Variants in AQP9 observed in about 807,000 individuals in gnomAD.
AQP9 encodes the protein aquaporin 9.
Under a neutral mutation model 23.8 loss-of-function variants are expected in AQP9, and 19 were observed. The observed-to-expected ratio is 0.80, with a 90% CI of 0.56 to 1.17. AQP9 has a LOEUF of 1.17. AQP9 is among the 50% of genes most tolerant of loss of function. The pLI is 0.00. For synonymous variants in AQP9, 153 were observed against 131.5 expected, an observed-to-expected ratio of 1.16 and a Z score of -1.12; for missense variants, 413 against 362.0, an observed-to-expected ratio of 1.14 and a Z score of -1.14.
At chr15:58,177,891 T>C (rs559070523) in intron 4 of AQP9, among the ~76,000 whole-genome samples, 44 of 152,342 alleles carry the variant, frequency 2.9e-4, no homozygotes, top group African/African-American at 1.0e-3. Flanking sequence ...AATTTTTCTT[T>C]TACGTATGTT....
At chr15:58,179,670 C>A (rs1198397400) in intron 5 of AQP9, among the ~76,000 whole-genome samples, 2 of 152,110 alleles carry the variant, frequency 1.3e-5, no homozygotes, top group Non-Finnish European at 2.9e-5. Flanking sequence ...AACTTGTCTG[C>A]AGATTCATTT....
intron 1 of AQP9, chr15:58,154,884 C>T (rs1898218398): frequency 6.6e-6 from 1 of 152,332 alleles, no homozygotes; most frequent in South Asian, 2.1e-4. Flanking sequence ...AATCATAAGC[C>T]ATTATTCCTA....
At chr15:58,166,853 C>G (rs569740813) in intron 2 of AQP9, 54 bp downstream of exon 2, 2 of 1,597,356 alleles carry the variant, frequency 1.3e-6, no homozygotes, top group African/African-American at 2.7e-5. Context: ...CCAATGTGCC[C>G]GCACAGTGCT....
intron 2 of AQP9, among the ~76,000 whole-genome samples, chr15:58,172,342 C>G (rs1394437177): frequency 6.6e-6 from 1 of 152,184 alleles, no homozygotes; most frequent in Non-Finnish European, 1.5e-5. Flanking sequence ...TTGTTACTAG[C>G]AAAGCCAGCT....
At chr15:58,166,028 T>C (rs1898495466) in intron 1 of AQP9, among the ~76,000 whole-genome samples, 1 of 152,240 alleles carries the variant, frequency 6.6e-6, no homozygotes, top group African/African-American at 2.4e-5. Flanking sequence ...TTTTTTCTAA[T>C]GCATGGTACA....
intron 1 of AQP9, among the ~76,000 whole-genome samples, chr15:58,143,832 C>A (rs60401526): frequency 0.067 from 10,141 of 152,180 alleles, 504 homozygotes; most frequent in Admixed American, 0.16. Context: ...CACATGTTCA[C>A]GAGTTTCTCT....
intron 5 of AQP9, among the ~76,000 whole-genome samples, chr15:58,182,877 G>C (rs1898924055): frequency 6.6e-6 from 1 of 152,160 alleles, no homozygotes; most frequent in Admixed American, 6.5e-5. Context: ...GGGAATGGGG[G>C]TTTGATTTGC....
chr15:58,158,505 A>T (rs868392583), intron 1 of AQP9, among the ~76,000 whole-genome samples: 4 of 152,216 alleles, frequency 2.6e-5, no homozygotes. Context: ...ATAAGGGAAT[A>T]CAAGTAAAGC....
chr15:58,183,872 G>C, intron 5 of AQP9, 89 bp from the exon 6 acceptor site: 1 of 1,436,144 alleles, frequency 7.0e-7, no homozygotes, highest in East Asian at 2.3e-5. Context: ...CCATGAGTGT[G>C]AGAAAGACTA....
At chr15:58,173,703 T>C (rs1398360983) in intron 3 of AQP9, among the ~76,000 whole-genome samples, 2 of 152,100 alleles carry the variant, frequency 1.3e-5, no homozygotes, top group Non-Finnish European at 2.9e-5. Context: ...AAAAACACAG[T>C]ATTGGTCATA....
intron 1 of AQP9, chr15:58,152,527 A>T (rs1898170823): frequency 6.6e-6 from 1 of 152,158 alleles, no homozygotes; most frequent in Non-Finnish European, 1.5e-5. Context: ...TAGTATAACC[A>T]AAACATTAGA....
intron 5 of AQP9, among the ~76,000 whole-genome samples, chr15:58,182,648 G>A (rs1156510775): frequency 9.2e-5 from 14 of 152,144 alleles, no homozygotes; most frequent in Admixed American, 9.2e-4. Context: ...GCCTCCCCTA[G>A]AAAAATCCAT....
intron 1 of AQP9, among the ~76,000 whole-genome samples, chr15:58,154,753 T>C (rs1898215877): frequency 6.6e-6 from 1 of 151,940 alleles, no homozygotes; most frequent in Non-Finnish European, 1.5e-5. Context: ...CCCACCAAAA[T>C]TCAACAGAAT....
intron 1 of AQP9, among the ~76,000 whole-genome samples, chr15:58,141,328 TC>T (rs1261957585): frequency 6.6e-6 from 1 of 152,192 alleles, no homozygotes; most frequent in Admixed American, 6.5e-5. Flanking sequence ...CAGCTGTATT[TC>T]CTCCTGAGGT....
rs562183896 is a variant in AQP9 at position 58,175,021 on chromosome 15, C to T, written c.480C>T (p.Asn160=). ...TYPAPYLSLA[N]AFADQVVATM... ...CAGCTCCGTATCTATCTCTGGCGAA[C>T]GCATTTGCAGATCAAGTAAGTGTAG... Residue 160 remains asparagine, a synonymous_variant, in exon 4 of 6, where the codon AAC becomes AAT. Coordinates refer to ENST00000219919, the MANE Select transcript of AQP9 (RefSeq NM_020980.5). 1.8e-5 allele frequency: 29 copies of T among 1,613,306 alleles called. No individual in the cohort carries two copies. The highest frequency in any genetic ancestry group is 3.3e-5 in the Admixed American group (2 of 60,028).
At chr15:58,165,239 A>G (rs557362538) in intron 1 of AQP9, among the ~76,000 whole-genome samples, 1 of 152,126 alleles carries the variant, frequency 6.6e-6, no homozygotes, top group Non-Finnish European at 1.5e-5. Flanking sequence ...TTGCTGTCTC[A>G]TTTTCCTACC....
rs1898657117 is a variant in AQP9 at position 58,173,054 on chromosome 15, A to G, written c.239-14A>G. ...CCTAACCTGCCCTCTCACTTCTCCA[A>G]TCTTCCCTTGCAGGTGGTCACATCA... On this transcript the variant is annotated splice_polypyrimidine_tract_variant and intron_variant, in intron 2 of 5. Transcript: ENST00000219919. 3.7e-6 allele frequency: 6 copies of G among 1,613,730 alleles called. No individual in the cohort carries two copies. Among genetic ancestry groups the G allele is most frequent in the Non-Finnish European group, 4.2e-6 (5 of 1,179,730 alleles).
In AQP9 at chr15:58,138,478, CA is replaced by C; in HGVS notation, c.-84del. ...TCTCCAGGAATCTGTGAGCCATTGT[CA>C]AAACGTCCATTTTCATCTGGCTGTG... On this transcript the variant is annotated 5_prime_UTR_variant, in exon 1 of 6. Coordinates refer to ENST00000219919, the MANE Select transcript of AQP9 (RefSeq NM_020980.5). 3 of 1,032,950 alleles carry C rather than the reference CA, an allele frequency of 2.9e-6. No homozygotes were observed. The highest frequency in any genetic ancestry group is 4.4e-6 in the Non-Finnish European group (3 of 686,514). 64.0% of individuals were successfully genotyped at this position (1,032,950 alleles called of 1,614,324 possible). A position where few individuals can be genotyped will look rare whatever the true frequency, so the allele number is the denominator to read the frequency against.
At chr15:58,155,464 T>C (rs1399891004) in intron 1 of AQP9, 1 of 152,190 alleles carries the variant, frequency 6.6e-6, no homozygotes, top group African/African-American at 2.4e-5. Flanking sequence ...GAGGTGGATT[T>C]TCAGTAGACA....
Sources: allele counts gnomAD v4.1 joint callset (sites outside exome capture counted in the v4.1 genomes callset), GRCh38; gene constraint gnomAD v4.1.1; transcripts MANE v1.5; gene names NCBI Gene and HGNC (gene_info 2026-07-23, HGNC 2026-07-21).